Variants in MSH6 observed in about 807,000 individuals in gnomAD.
MSH6 encodes DNA mismatch repair protein Msh6.
In MSH6, 85 loss-of-function variants were observed where a neutral mutation model predicts 119.1. That is an observed-to-expected ratio of 0.71 (90% CI 0.60 to 0.85). MSH6 has a LOEUF of 0.85. Among genes scored for constraint, MSH6 ranks in the 40% least tolerant of loss-of-function variants. MSH6 has a pLI of 0.00. For missense variants in MSH6, 2,163 were observed against 1,655.3 expected, an observed-to-expected ratio of 1.31 and a Z score of -5.32; for synonymous variants, 830 against 586.9, an observed-to-expected ratio of 1.41 and a Z score of -5.99.
rs1553333601 is a variant in MSH6 at position 47,806,576 on chromosome 2, C to T, written c.3926C>T (p.Pro1309Leu). 6.2e-7 allele frequency: 1 copy of T among 1,613,554 alleles called. No individual in the cohort carries two copies. Among genetic ancestry groups the T allele is most frequent in the Non-Finnish European group, 8.5e-7 (1 of 1,179,826 alleles). ...AATGCAGCAAGGCTTGCTAATCTCC[C>T]AGAGGAAGTTATTCAAAAGGGACAT... ...GFNAARLANL[P>L]EEVIQKGHRK... Residue 1309 changes from proline (P) to leucine (L), a missense_variant, in exon 9 of 10, where the codon CCA (proline) becomes CTA (leucine). Coordinates refer to ENST00000234420, the MANE Select transcript of MSH6 (RefSeq NM_000179.3).
At chr2:47,803,075 G>A (rs1669703733) in intron 4 of MSH6, among the ~76,000 whole-genome samples, 1 of 151,982 alleles carries the variant, frequency 6.6e-6, no homozygotes, top group Admixed American at 6.6e-5. Context: ...CGTGTATTAG[G>A]CACTGCTAAT....
intron 6 of MSH6, 51 bp from the exon 7 acceptor site, chr2:47,805,566 TG>T (rs1669946059): frequency 1.7e-6 from 2 of 1,164,264 alleles, no homozygotes; most frequent in Non-Finnish European, 2.6e-6. Flanking sequence ...GATGAATTTA[TG>T]TAATATGATT....
intron 1 of MSH6, among the ~76,000 whole-genome samples, chr2:47,788,117 G>A (rs1668454274): frequency 6.6e-6 from 1 of 151,978 alleles, no homozygotes. Flanking sequence ...CCAGTTTCCT[G>A]GGTCCAGGAT....
intron 1 of MSH6, chr2:47,789,439 T>C (rs748037807): frequency 1.1e-5 from 5 of 472,114 alleles, no homozygotes; most frequent in Non-Finnish European, 1.7e-5. Flanking sequence ...TGCACATTTA[T>C]CCTGTAAACA....
downstream of MSH6, chr2:47,808,735 AGTG>A (rs1670401210): frequency 3.1e-6 from 1 of 326,328 alleles, no homozygotes; most frequent in African/African-American, 2.1e-5. Flanking sequence ...AAACTGTCAC[AGTG>A]ACTGGGATAT....
At chr2:47,803,306 A>C in intron 4 of MSH6, 114 bp from the exon 5 acceptor site, 4 of 1,367,688 alleles carry the variant, frequency 2.9e-6, no homozygotes, top group South Asian at 2.4e-5. Context: ...GTTGGACTGT[A>C]ATTGAAAGTT....
chr2:47,809,436 A>G, downstream of MSH6: 2 of 685,872 alleles, frequency 2.9e-6, no homozygotes, highest in East Asian at 2.7e-5. Flanking sequence ...TTCCTTGTAT[A>G]AGATACTCCA....
intron 1 of MSH6, among the ~76,000 whole-genome samples, chr2:47,787,612 T>C (rs1022842386): frequency 1.3e-5 from 2 of 152,084 alleles, no homozygotes; most frequent in African/African-American, 4.8e-5. Flanking sequence ...TTAAGGTGTT[T>C]TTGGAGGGCA....
intron 6 of MSH6, 130 bp from the exon 7 acceptor site, chr2:47,805,488 T>C (rs1431044311): frequency 1.3e-6 from 1 of 745,240 alleles, no homozygotes; most frequent in East Asian, 2.6e-5. Context: ...AATAATTGCA[T>C]AGTCTCTTAA....
At chr2:47,797,655 A>C (rs1312399487) in intron 3 of MSH6, among the ~76,000 whole-genome samples, 1 of 152,224 alleles carries the variant, frequency 6.6e-6, no homozygotes, top group Non-Finnish European at 1.5e-5. Flanking sequence ...TTGTAGTTAG[A>C]GGTGGGGTCT....
rs770803606 is a variant in MSH6, at chr2:47,806,170, G to GAGTT, written c.3647-32_3647-29dup. The GAGTT allele has an allele frequency of 6.1e-5, 98 of 1,600,766 alleles. 1 individual carries two copies. In the African/African-American group the frequency reaches 1.2e-3, roughly 20 times the overall value. On this transcript the variant is annotated intron_variant, in intron 7 of 9. Transcript: ENST00000234420. The stretch of plus-strand genomic sequence containing the variant: ...ATTCCTTTTTTGTTTTAATTCCTTT[G>GAGTT]AGTTACTTCCTTATGCATATTTTAC...
At chr2:47,805,852 T>C (rs1572743064) in intron 7 of MSH6, 145 bp downstream of exon 7, 3 of 731,918 alleles carry the variant, frequency 4.1e-6, no homozygotes, top group Admixed American at 2.4e-5. Context: ...CACAGACCGA[T>C]AGTTGGAGAT....
In MSH6 at chr2:47,783,174, A is replaced by T. The variant is rs1668102926; in HGVS notation, c.-60A>T. The T allele has an allele frequency of 6.3e-7, 1 of 1,598,716 alleles. No individual in the cohort carries two copies. The highest frequency in any genetic ancestry group is 8.5e-7 in the Non-Finnish European group (1 of 1,173,766). ...TTCCCGCCAGCAGGAGCCGCGCGGTAGATGCGGTGCTTTTAGGAGCTCCGT... is the reference window on the plus strand; with the variant it reads ...TTCCCGCCAGCAGGAGCCGCGCGGTTGATGCGGTGCTTTTAGGAGCTCCGT... On this transcript the variant is annotated 5_prime_UTR_variant, in exon 1 of 10. Transcript: ENST00000234420.
At position 47,799,003 on chromosome 2, in the gene MSH6, C is replaced by T. The variant is rs2104313997; in HGVS notation, c.1020C>T (p.Phe340=). ...SSETKNTLRA[F]SAPQNSESQA... ...AAACCAAGAATACTTTGAGAGCTTT[C>T]TCTGCCCCTCAAAATTCTGAATCCC... is the stretch of plus-strand genomic sequence containing the variant. Residue 340 remains phenylalanine (F), a synonymous_variant, in exon 4 of 10, where the codon TTC becomes TTT. Transcript: ENST00000234420. The T allele has an allele frequency of 6.2e-7, 1 of 1,614,232 alleles. No homozygotes were observed. Among genetic ancestry groups the T allele is most frequent in the Non-Finnish European group, 8.5e-7 (1 of 1,180,042 alleles).
intron 2 of MSH6, among the ~76,000 whole-genome samples, chr2:47,794,356 C>G (rs940047929): frequency 1.3e-5 from 2 of 152,070 alleles, no homozygotes; most frequent in African/African-American, 2.4e-5. Context: ...ACTGCAATCT[C>G]TGTCTCCGGG....
chr2:47,807,969 C>T (rs895176161), downstream of MSH6: 9 of 705,654 alleles, frequency 1.3e-5, no homozygotes, highest in Admixed American at 7.9e-5. Flanking sequence ...TTTTTGGTAG[C>T]TTGAGCTTCA....
At position 47,783,801 on chromosome 2, in the gene MSH6, G is replaced by A. The variant is rs367758161; in HGVS notation, c.260+308G>A. ...CAGGTGGGGGTGCTGGGCTAAGGAA[G>A]GGGCGACGCGCGCAGCTCCGGGTGG... On this transcript the variant is annotated intron_variant, in intron 1 of 9. Transcript: ENST00000234420. 1.3e-4 allele frequency: 82 copies of A among 633,042 alleles called. No individual in the cohort carries two copies. In the African/African-American group the frequency reaches 1.4e-3, roughly 11 times the overall value. 39.2% of individuals were successfully genotyped at this position (633,042 alleles called of 1,614,324 possible).
chr2:47,786,340 T>G (rs1453123003), intron 1 of MSH6, among the ~76,000 whole-genome samples: 1 of 151,830 alleles, frequency 6.6e-6, no homozygotes, highest in Non-Finnish European at 1.5e-5. Flanking sequence ...TGAGCGTATT[T>G]TTTTTTTTTT....
intron 5 of MSH6, 114 bp from the exon 6 acceptor site, chr2:47,804,796 T>C: frequency 1.2e-6 from 1 of 806,486 alleles, no homozygotes; most frequent in Non-Finnish European, 2.2e-6. Flanking sequence ...GTACATGTGA[T>C]TGTGAAAGTT....
Sources: gnomAD v4.1 joint callset for allele counts (sites outside exome capture counted in the v4.1 genomes callset) on GRCh38, gnomAD v4.1.1 for gene constraint, MANE v1.5 for transcripts, NCBI Gene and HGNC (gene_info 2026-07-23, HGNC 2026-07-21) for gene names.